The following IL34 variants were observed in gnomAD, a reference collection of about 807,000 sequenced individuals.
The protein encoded by IL34 is interleukin-34.
IL34 carries 17 observed loss-of-function variants against 25.3 expected under a neutral mutation model. The ratio of observed to expected loss-of-function variants is 0.67; its 90% CI spans 0.46 to 1.01. The LOEUF (loss-of-function observed/expected upper bound fraction) is 1.01, where lower values mean the gene tolerates loss of function less well. Ranked by LOEUF, IL34 falls within the 50% of genes least tolerant of loss-of-function variation. The pLI, the probability that IL34 is intolerant of heterozygous loss-of-function variation, is 0.00. For missense variants in IL34, 368 were observed against 312.9 expected, an observed-to-expected ratio of 1.18 and a Z score of -1.33; for synonymous variants, 174 against 140.9, an observed-to-expected ratio of 1.23 and a Z score of -1.66.
chr16:70,659,971 T>TC (rs1330914006), intron 5 of IL34, 26 bp from the exon 6 acceptor site: 1 of 1,518,834 alleles, frequency 6.6e-7, no homozygotes. Flanking sequence ...GCTGCAGTCT[T>TC]TTTTTTTTTC....
At chr16:70,601,533 T>C (rs2050917112) in intron 1 of IL34, among the ~76,000 whole-genome samples, 1 of 152,264 alleles carries the variant, frequency 6.6e-6, no homozygotes, top group Middle Eastern at 3.4e-3. Context: ...CACCTCAGCC[T>C]CATGAATAGC....
At chr16:70,609,634 C>T (rs2051061826) in intron 1 of IL34, among the ~76,000 whole-genome samples, 1 of 152,180 alleles carries the variant, frequency 6.6e-6, no homozygotes. Flanking sequence ...TGCCCAGAGA[C>T]AGGTGCACTG....
At chr16:70,639,669 A>G (rs994393645) in intron 1 of IL34, among the ~76,000 whole-genome samples, 1 of 152,188 alleles carries the variant, frequency 6.6e-6, no homozygotes, top group Non-Finnish European at 1.5e-5. Flanking sequence ...GACAAGACAG[A>G]GGAGTCCAGG....
At chr16:70,615,781 A>G (rs1198598266) in intron 1 of IL34, among the ~76,000 whole-genome samples, 1 of 152,034 alleles carries the variant, frequency 6.6e-6, no homozygotes, top group African/African-American at 2.4e-5. Context: ...GTGAAATCCC[A>G]TCTCTACCAA....
At chr16:70,584,772 C>T (rs1029788017) in intron 1 of IL34, among the ~76,000 whole-genome samples, 5 of 152,040 alleles carry the variant, frequency 3.3e-5, no homozygotes, top group African/African-American at 1.2e-4. Context: ...ATGATCCTGG[C>T]TCACTGCAAC....
chr16:70,599,265 G>GTTTCTTTCTTTCTTTCTTTCTTTC (rs748787068), intron 1 of IL34, among the ~76,000 whole-genome samples: 20 of 139,046 alleles, frequency 1.4e-4, no homozygotes, highest in Non-Finnish European at 1.9e-4. Flanking sequence ...GTCAAGAACT[G>GTTTCTTTCTTTCTTTCTTTCTTTC]TTTCTTTCTT....
chr16:70,656,861 G>T (rs527470598), intron 3 of IL34, 99 bp from the exon 4 acceptor site: 66 of 1,349,590 alleles, frequency 4.9e-5, no homozygotes, highest in Non-Finnish European at 6.8e-5. Context: ...CGGACGGCCC[G>T]CGTCTGCTCC....
intron 1 of IL34, among the ~76,000 whole-genome samples, chr16:70,635,266 G>A (rs1426186650): frequency 6.6e-6 from 1 of 152,192 alleles, no homozygotes; most frequent in Non-Finnish European, 1.5e-5. Flanking sequence ...TTTTCTTGGC[G>A]ACAGATATTT....
intron 1 of IL34, among the ~76,000 whole-genome samples, chr16:70,621,855 CAGG>C (rs1310941485): frequency 2.6e-5 from 4 of 151,682 alleles, no homozygotes; most frequent in Non-Finnish European, 5.9e-5. Context: ...CAGGATGAGC[CAGG>C]AGAAGGACTT....
At chr16:70,633,509 C>G (rs1172626833) in intron 1 of IL34, among the ~76,000 whole-genome samples, 1 of 151,978 alleles carries the variant, frequency 6.6e-6, no homozygotes, top group African/African-American at 2.4e-5. Flanking sequence ...AAATGATCCT[C>G]CAACCTCGGC....
chr16:70,611,488 T>C (rs1310081176), intron 1 of IL34, among the ~76,000 whole-genome samples: 1 of 152,130 alleles, frequency 6.6e-6, no homozygotes, highest in Non-Finnish European at 1.5e-5. Context: ...ACTGTGGTGC[T>C]ATTTAAAAAC....
chr16:70,635,262 T>G (rs1017021667), intron 1 of IL34, among the ~76,000 whole-genome samples: 1 of 152,236 alleles, frequency 6.6e-6, no homozygotes, highest in African/African-American at 2.4e-5. Context: ...GTGATTTTCT[T>G]GGCGACAGAT....
At chr16:70,653,612 C>T (rs1403776859) in intron 1 of IL34, among the ~76,000 whole-genome samples, 7 of 152,146 alleles carry the variant, frequency 4.6e-5, no homozygotes, top group Admixed American at 1.3e-4. Flanking sequence ...GCAGAAGGAT[C>T]GCTTGAGTCT....
At chr16:70,607,951 AG>A (rs897279303) in intron 1 of IL34, among the ~76,000 whole-genome samples, 69 of 151,836 alleles carry the variant, frequency 4.5e-4, no homozygotes, top group African/African-American at 1.5e-3. Flanking sequence ...TATTTTTAGT[AG>A]AGACGGGGTT....
intron 1 of IL34, among the ~76,000 whole-genome samples, chr16:70,637,594 C>T (rs186345608): frequency 6.7e-5 from 10 of 150,152 alleles, no homozygotes; most frequent in African/African-American, 1.7e-4. Context: ...TCTGCCCCCC[C>T]TCGACCTCCC....
At chr16:70,641,368 C>A (rs1040669560) in intron 1 of IL34, among the ~76,000 whole-genome samples, 1 of 152,192 alleles carries the variant, frequency 6.6e-6, no homozygotes, top group Non-Finnish European at 1.5e-5. Context: ...GGAAACAGCC[C>A]AAAAGTTCAC....
At chr16:70,656,347 C>T (rs114993216) in intron 2 of IL34, among the ~76,000 whole-genome samples, 2,614 of 152,232 alleles carry the variant, frequency 0.017, 28 homozygotes, top group Middle Eastern at 0.037. Flanking sequence ...GAAGAAACCC[C>T]ATCTCTACAA....
chr16:70,655,545 G>A (rs1477506669), intron 2 of IL34, among the ~76,000 whole-genome samples: 3 of 151,420 alleles, frequency 2.0e-5, no homozygotes, highest in Non-Finnish European at 4.4e-5. Flanking sequence ...GCACCACCAT[G>A]CCCAGCTAAT....
At chr16:70,620,939 C>T (rs1276780113) in intron 1 of IL34, among the ~76,000 whole-genome samples, 1 of 151,914 alleles carries the variant, frequency 6.6e-6, no homozygotes, top group Non-Finnish European at 1.5e-5. Context: ...AGGAGGCAAG[C>T]CCAGAGAAAA....
Sources: gnomAD v4.1 joint callset for allele counts (sites outside exome capture counted in the v4.1 genomes callset) on GRCh38, gnomAD v4.1.1 for gene constraint, MANE v1.5 for transcripts, NCBI Gene and HGNC (gene_info 2026-07-23, HGNC 2026-07-21) for gene names.